Variants in GPC6 observed in about 807,000 individuals in gnomAD.
GPC6 encodes glypican 6.
GPC6 carries 14 observed loss-of-function variants against 55.2 expected under a neutral mutation model. The ratio of observed to expected loss-of-function variants is 0.25; its 90% confidence interval spans 0.17 to 0.40. The LOEUF (loss-of-function observed/expected upper bound fraction) is 0.40. Among genes scored for constraint, GPC6 ranks in the 10% least tolerant of loss-of-function variants. GPC6 has a pLI of 1.00. For synonymous variants in GPC6, 278 were observed against 259.6 expected (o/e 1.07, Z -0.68); for missense variants, 641 against 708.5 (o/e 0.90, Z 1.08).
intron 2 of GPC6, among the ~76,000 whole-genome samples, chr13:93,813,334 G>A (rs959982233): frequency 2.6e-5 from 4 of 152,066 alleles, no homozygotes; most frequent in African/African-American, 7.2e-5. Flanking sequence ...CAGGAGAATC[G>A]CTTGAACTTG....
chr13:93,312,630 A>G (rs889065061), intron 1 of GPC6, among the ~76,000 whole-genome samples: 6 of 152,126 alleles, frequency 3.9e-5, no homozygotes, highest in African/African-American at 1.4e-4. Context: ...AACTTAGCTT[A>G]AGTTCTCAAG....
chr13:93,966,541 A>C lies in GPC6; in HGVS notation c.712-61188A>C, dbSNP rs572533401. 7.2e-5 allele frequency among the ~76,000 whole-genome samples: 11 copies of C among 152,270 alleles called. No homozygotes were observed. The South Asian group carries it at 1.7e-3, about 23-fold the overall frequency. On this transcript the variant is annotated intron_variant, in intron 3 of 8. Coordinates refer to ENST00000377047, the MANE Select transcript of GPC6 (RefSeq NM_005708.5). ...AGCTAACAAAAGTATAAGCAACTTTAGCCCAGCCCAAGTCACCAACTTGGA... is the reference window on the plus strand; with the variant it reads ...AGCTAACAAAAGTATAAGCAACTTTCGCCCAGCCCAAGTCACCAACTTGGA...
At chr13:93,258,710 A>G (rs59639949) in intron 1 of GPC6, among the ~76,000 whole-genome samples, 5,700 of 152,164 alleles carry the variant, frequency 0.037, 186 homozygotes, top group East Asian at 0.091. Context: ...AGGCTGAGGC[A>G]GGAGGATTGC....
chr13:94,366,610 T>C (rs1373060096), intron 6 of GPC6, among the ~76,000 whole-genome samples: 2 of 152,234 alleles, frequency 1.3e-5, no homozygotes, highest in Non-Finnish European at 2.9e-5. Flanking sequence ...CAATCCAGCA[T>C]TATGAAGACC....
intron 4 of GPC6, among the ~76,000 whole-genome samples, chr13:94,266,321 A>G (rs1891809738): frequency 6.6e-6 from 1 of 151,942 alleles, no homozygotes; most frequent in African/African-American, 2.4e-5. Flanking sequence ...GGCGCCCGCC[A>G]CCACTTCTGG....
intron 4 of GPC6, among the ~76,000 whole-genome samples, chr13:94,037,994 A>G (rs2138735242): frequency 6.6e-6 from 1 of 152,100 alleles, no homozygotes; most frequent in Middle Eastern, 3.4e-3. Context: ...TAATTAATTA[A>G]TGTAATTAAT....
intron 3 of GPC6, among the ~76,000 whole-genome samples, chr13:93,930,324 T>C (rs11617766): frequency 0.34 from 49,526 of 145,744 alleles, 8,682 homozygotes; most frequent in Middle Eastern, 0.44. Flanking sequence ...CATGCTGGAG[T>C]GCAGTGGTGC....
intron 2 of GPC6, among the ~76,000 whole-genome samples, chr13:93,719,782 T>C (rs1012207467): frequency 1.3e-5 from 2 of 152,098 alleles, no homozygotes; most frequent in African/African-American, 4.8e-5. Flanking sequence ...TATTGAGTGT[T>C]TTTAGCATGA....
intron 1 of GPC6, among the ~76,000 whole-genome samples, chr13:93,330,533 A>G (rs1221733760): frequency 6.6e-6 from 1 of 152,128 alleles, no homozygotes; most frequent in East Asian, 1.9e-4. Flanking sequence ...TTCAAAAAAA[A>G]AAAATGCTTT....
rs1197844130 is a variant in GPC6 at position 93,847,695 on chromosome 13, G to A, written c.711+17150G>A. On this transcript the variant is annotated intron_variant, in intron 3 of 8. Transcript: ENST00000377047. ...TGAGGAAGGATCTTCTCATTAGGTGGGTCATATTTAATAATTCCTATTAAT... is the reference window on the plus strand; with the variant it reads ...TGAGGAAGGATCTTCTCATTAGGTGAGTCATATTTAATAATTCCTATTAAT... 2.0e-5 allele frequency among the ~76,000 whole-genome samples: 3 copies of A among 151,976 alleles called. No individual in the cohort carries two copies. In the East Asian group the frequency reaches 5.8e-4, roughly 29 times the overall value.
intron 5 of GPC6, among the ~76,000 whole-genome samples, chr13:94,292,263 T>TAACC (rs1875028400): frequency 1.3e-5 from 2 of 151,904 alleles, no homozygotes; most frequent in Non-Finnish European, 2.9e-5. Flanking sequence ...TGCATAACCC[T>TAACC]AACCCTAACC....
rs138544603 is a variant in GPC6 at position 93,255,306 on chromosome 13, T to G, written c.160+27690T>G. Among the ~76,000 whole-genome samples, 169 of 152,318 alleles carry G rather than the reference T, an allele frequency of 1.1e-3. No individual in the cohort carries two copies. The East Asian group carries it at 0.014, about 13-fold the overall frequency. On this transcript the variant is annotated intron_variant, in intron 1 of 8. Transcript: ENST00000377047. ...AAGATCAAATCAGTGTACCTGAGATTTCCATCACCTTAAAGATTTATCTTC... is the reference window on the plus strand; with the variant it reads ...AAGATCAAATCAGTGTACCTGAGATGTCCATCACCTTAAAGATTTATCTTC...
chr13:93,466,018 A>G (rs955394761), intron 1 of GPC6, among the ~76,000 whole-genome samples: 1 of 152,158 alleles, frequency 6.6e-6, no homozygotes, highest in Non-Finnish European at 1.5e-5. Context: ...CACAGAAATT[A>G]TTAAAATAAT....
chr13:93,871,358 T>C (rs1035156217), intron 3 of GPC6, among the ~76,000 whole-genome samples: 6 of 151,918 alleles, frequency 3.9e-5, no homozygotes, highest in Admixed American at 3.9e-4. Context: ...AGCCTATTAA[T>C]TATACTCCCC....
intron 5 of GPC6, among the ~76,000 whole-genome samples, chr13:94,296,422 G>C (rs1391644487): frequency 6.6e-6 from 1 of 152,166 alleles, no homozygotes; most frequent in East Asian, 1.9e-4. Flanking sequence ...AAGAGAAGGT[G>C]CTCTCCTGGT....
intron 3 of GPC6, among the ~76,000 whole-genome samples, chr13:93,861,345 G>C (rs971233664): frequency 1.3e-5 from 2 of 150,472 alleles, no homozygotes; most frequent in Non-Finnish European, 1.5e-5. Flanking sequence ...GCAGACAAAA[G>C]TATGTATAAT....
intron 1 of GPC6, among the ~76,000 whole-genome samples, chr13:93,439,586 C>T (rs796781940): frequency 7.9e-5 from 12 of 151,578 alleles, no homozygotes; most frequent in African/African-American, 2.4e-4. Context: ...CACTTGAACC[C>T]GGGAGGTGGA....
At chr13:93,760,662 A>G (rs961939429) in intron 2 of GPC6, among the ~76,000 whole-genome samples, 2 of 152,222 alleles carry the variant, frequency 1.3e-5, no homozygotes, top group Non-Finnish European at 2.9e-5. Flanking sequence ...TCACCACTCA[A>G]TAAAATATGC....
At position 93,393,127 on chromosome 13, in the gene GPC6, T is replaced by TAGAG. The variant is rs144440794; in HGVS notation, c.161-152107_161-152104dup. On this transcript the variant is annotated intron_variant, in intron 1 of 8. Transcript: ENST00000377047. ...TATTTGATATATATATATATATATA[T>TAGAG]AGAGAGAGAGAGAGAGAGAGAGAGA... Among the ~76,000 whole-genome samples, 494 of 87,608 alleles carry TAGAG rather than the reference T, an allele frequency of 5.6e-3. 3 individuals carry two copies. Among genetic ancestry groups the TAGAG allele is most frequent in the African/African-American group, 0.017 (429 of 25,396 alleles). The allele number at this position is 87,608 out of a possible 152,430, so 57.5% of individuals were successfully genotyped here.
Sources: allele counts gnomAD v4.1 joint callset (sites outside exome capture counted in the v4.1 genomes callset), GRCh38; gene constraint gnomAD v4.1.1; transcripts MANE v1.5; gene names NCBI Gene and HGNC (gene_info 2026-07-23, HGNC 2026-07-21).